SOX5: variants seen among roughly 807,000 people sequenced by gnomAD.
The protein encoded by SOX5 is SRY-box transcription factor 5.
Under a neutral mutation model 92.0 loss-of-function variants are expected in SOX5, and 9 were observed. The observed-to-expected ratio is 0.10, with a 90% CI of 0.06 to 0.17. SOX5 has a LOEUF of 0.17. SOX5 is among the 10% of genes least tolerant of loss of function. The pLI, the probability that SOX5 is intolerant of heterozygous loss-of-function variation, is 1.00. For missense variants in SOX5, 642 were observed against 944.5 expected (o/e 0.68, Z 4.20); for synonymous variants, 344 against 336.3 (o/e 1.02, Z -0.25).
At chr12:24,436,862 AT>A (rs1939535342) in intron 1 of SOX5, among the ~76,000 whole-genome samples, 2 of 152,238 alleles carry the variant, frequency 1.3e-5, no homozygotes, top group African/African-American at 4.8e-5. Flanking sequence ...GCCAACGCTT[AT>A]TTACCATTCC....
chr12:24,184,600 C>T (rs1377405624), intron 4 of SOX5, among the ~76,000 whole-genome samples: 2 of 152,116 alleles, frequency 1.3e-5, no homozygotes, highest in Admixed American at 6.6e-5. Flanking sequence ...AATAACCTCA[C>T]TATTTCTGGA....
At chr12:23,624,160 A>G (rs999561611) in intron 8 of SOX5, among the ~76,000 whole-genome samples, 3 of 152,128 alleles carry the variant, frequency 2.0e-5, no homozygotes, top group Non-Finnish European at 4.4e-5. Context: ...GTGAAGGTAG[A>G]ATGCTGACTA....
intron 4 of SOX5, among the ~76,000 whole-genome samples, chr12:23,992,220 C>G (rs948300872): frequency 6.6e-6 from 1 of 151,968 alleles, no homozygotes; most frequent in African/African-American, 2.4e-5. Context: ...CTGGCAACAC[C>G]CTTAATAGCA....
intron 6 of SOX5, among the ~76,000 whole-genome samples, chr12:23,732,541 ACT>A (rs1453780109): frequency 6.6e-6 from 1 of 152,122 alleles, no homozygotes; most frequent in African/African-American, 2.4e-5. Flanking sequence ...AAGGGTTTTG[ACT>A]CTGTCAGTTT....
chr12:23,778,538 A>C (rs11047094), intron 3 of SOX5, among the ~76,000 whole-genome samples: 13 of 152,130 alleles, frequency 8.5e-5, no homozygotes, highest in Non-Finnish European at 4.4e-5. Flanking sequence ...GAGAGAGCTA[A>C]AGCTATAAAG....
chr12:24,160,922 A>G (rs151039781), intron 4 of SOX5, among the ~76,000 whole-genome samples: 139 of 152,204 alleles, frequency 9.1e-4, no homozygotes, highest in African/African-American at 3.2e-3. Context: ...CCCTTTACCT[A>G]TGGAGCTTTA....
At chr12:24,464,543 G>A (rs1247173376) in intron 1 of SOX5, among the ~76,000 whole-genome samples, 12 of 152,062 alleles carry the variant, frequency 7.9e-5, no homozygotes, top group Admixed American at 7.9e-4. Flanking sequence ...GAGTTTCACC[G>A]TGTTAGCCAG....
intron 3 of SOX5, among the ~76,000 whole-genome samples, chr12:23,830,810 G>T (rs2096304583): frequency 6.6e-6 from 1 of 152,096 alleles, no homozygotes; most frequent in African/African-American, 2.4e-5. Flanking sequence ...AGTTTAACTT[G>T]CCTGTTGATG....
rs191330056 is a variant in SOX5, at chr12:24,080,918, A to C, written c.-2+132425T>G. Among the ~76,000 whole-genome samples, 193 of 152,110 alleles carry C rather than the reference A, an allele frequency of 1.3e-3. 1 individual carries two copies. The highest frequency in any genetic ancestry group is 4.4e-3 in the African/African-American group (184 of 41,536). On this transcript the variant is annotated intron_variant, in intron 4 of 4. Transcript: ENST00000446891. ...ACAACAACAATGAAGATTGCCAAAA[A>C]AGTAAACAAAAAACAAACTTTAAGG...
chr12:24,048,734 C>T (rs754121593), intron 4 of SOX5, among the ~76,000 whole-genome samples: 38 of 152,144 alleles, frequency 2.5e-4, no homozygotes, highest in Admixed American at 5.9e-4. Flanking sequence ...GAAAACATTA[C>T]GCTAAGTGAA....
chr12:24,257,492 A>G (rs1941394800), intron 3 of SOX5, among the ~76,000 whole-genome samples: 1 of 151,986 alleles, frequency 6.6e-6, no homozygotes, highest in Non-Finnish European at 1.5e-5. Context: ...TTTCTGAAAC[A>G]GAATCTTGCT....
At chr12:24,234,222 C>T (rs945051083) in intron 3 of SOX5, among the ~76,000 whole-genome samples, 1 of 152,076 alleles carries the variant, frequency 6.6e-6, no homozygotes, top group Non-Finnish European at 1.5e-5. Context: ...AAATCATATT[C>T]GATCATTTAT....
At chr12:23,974,546 G>A (rs1279639386) in intron 4 of SOX5, among the ~76,000 whole-genome samples, 3 of 152,160 alleles carry the variant, frequency 2.0e-5, no homozygotes, top group Non-Finnish European at 4.4e-5. Context: ...GTCATAATCA[G>A]CCTATCTTCT....
At chr12:23,642,256 C>T (rs192079155) in intron 7 of SOX5, among the ~76,000 whole-genome samples, 2 of 152,036 alleles carry the variant, frequency 1.3e-5, no homozygotes, top group East Asian at 3.9e-4. Context: ...CTTCAAAATA[C>T]CTGGATCTAC....
intron 8 of SOX5, among the ~76,000 whole-genome samples, chr12:23,613,176 G>A (rs891102772): frequency 6.6e-6 from 1 of 152,062 alleles, no homozygotes; most frequent in Non-Finnish European, 1.5e-5. Flanking sequence ...CTCACATGTC[G>A]AAGGTATAAA....
intron 3 of SOX5, among the ~76,000 whole-genome samples, chr12:23,792,429 C>T (rs770644493): frequency 2.0e-5 from 3 of 151,414 alleles, no homozygotes; most frequent in African/African-American, 4.9e-5. Context: ...TCGAGACCAG[C>T]GTGGCCAACA....
At chr12:23,651,198 T>C (rs2081513781) in intron 7 of SOX5, among the ~76,000 whole-genome samples, 2 of 152,022 alleles carry the variant, frequency 1.3e-5, no homozygotes, top group African/African-American at 4.8e-5. Flanking sequence ...TGTGTTGAAA[T>C]ATCTTACATA....
In SOX5 at chr12:24,133,792, T is replaced by C. The variant is rs151303598; in HGVS notation, c.-2+79551A>G. ...AGTTCTAAAAAGACATGGTGTTAAC[T>C]AATTGTTTTATAACCCAATTAAAAA... is the stretch of plus-strand genomic sequence containing the variant. On this transcript the variant is annotated intron_variant, in intron 4 of 4. Coordinates refer to the SOX5 transcript ENST00000446891. 6.6e-5 allele frequency among the ~76,000 whole-genome samples: 10 copies of C among 152,304 alleles called. No individual in the cohort carries two copies. In the East Asian group the frequency reaches 1.9e-3, roughly 29 times the overall value.
intron 6 of SOX5, among the ~76,000 whole-genome samples, chr12:23,677,361 T>A (rs1457689502): frequency 1.3e-5 from 2 of 152,188 alleles, no homozygotes; most frequent in East Asian, 3.8e-4. Flanking sequence ...TGATTACTCA[T>A]ATGAAATGAA....
Sources: gnomAD v4.1 joint callset for allele counts (sites outside exome capture counted in the v4.1 genomes callset) on GRCh38, gnomAD v4.1.1 for gene constraint, MANE v1.5 for transcripts, NCBI Gene and HGNC (gene_info 2026-07-23, HGNC 2026-07-21) for gene names.